The following MOCS2 variants were observed in gnomAD, a reference collection of about 807,000 sequenced individuals.
The protein encoded by MOCS2 is molybdenum cofactor synthesis 2, also known as molybdopterin synthase catalytic subunit.
A neutral mutation model predicts 21.9 loss-of-function variants in MOCS2; 13 were observed. That is an observed-to-expected ratio of 0.59 (90% CI 0.39 to 0.94). The LOEUF is 0.94. Ranked by LOEUF, MOCS2 falls within the 40% of genes least tolerant of loss-of-function variation. The pLI is 0.00. For synonymous variants in MOCS2, 92 were observed against 80.8 expected (o/e 1.14, Z -0.74); for missense variants, 227 against 218.3 (o/e 1.04, Z -0.25).
intron 3 of MOCS2, among the ~76,000 whole-genome samples, chr5:53,103,589 A>AC (rs1740975566): frequency 6.6e-6 from 1 of 152,318 alleles, no homozygotes; most frequent in South Asian, 2.1e-4. Context: ...AAACATTACT[A>AC]CATACTCACT....
chr5:53,098,768 TCA>T, intron 6 of MOCS2, 101 bp from the exon 7 acceptor site: 1 of 840,926 alleles, frequency 1.2e-6, no homozygotes, highest in Non-Finnish European at 2.0e-6. Flanking sequence ...CACATCTATT[TCA>T]ATGGCTCCTC....
chr5:53,100,812 T>C (rs1313447650), intron 5 of MOCS2: 2 of 430,720 alleles, frequency 4.6e-6, no homozygotes, highest in African/African-American at 2.0e-5. Flanking sequence ...AGAGCAAACA[T>C]CTGACTCAAC....
chr5:53,104,964 A>G (rs552791323), intron 3 of MOCS2, among the ~76,000 whole-genome samples: 1 of 152,258 alleles, frequency 6.6e-6, no homozygotes, highest in South Asian at 2.1e-4. Flanking sequence ...AAGAAGCCTG[A>G]TCTCTCCACA....
intron 3 of MOCS2, among the ~76,000 whole-genome samples, chr5:53,102,731 G>C (rs1277534142): frequency 6.6e-6 from 1 of 152,052 alleles, no homozygotes; most frequent in African/African-American, 2.4e-5. Context: ...TGGATCATTT[G>C]GGGTCAGGAG....
chr5:53,100,339 G>T, intron 6 of MOCS2, 72 bp downstream of exon 6: 5 of 1,531,732 alleles, frequency 3.3e-6, no homozygotes, highest in Non-Finnish European at 4.5e-6. Context: ...CCATAAATAT[G>T]GGGGGATTTA....
intron 5 of MOCS2, chr5:53,101,149 C>T (rs1193299135): frequency 1.6e-6 from 1 of 608,810 alleles, no homozygotes; most frequent in East Asian, 2.8e-5. Flanking sequence ...TTTGTTACAG[C>T]AACAGAGGCA....
chr5:53,096,790 G>GT lies in MOCS2; in HGVS notation c.*1811_*1812insA, dbSNP rs1368262003. 2 of 152,290 alleles carry GT rather than the reference G, an allele frequency of 1.3e-5. No homozygotes were observed. Among genetic ancestry groups the GT allele is most frequent in the Non-Finnish European group, 1.5e-5 (1 of 68,024 alleles). 9.4% of individuals were successfully genotyped at this position (152,290 alleles called of 1,614,324 possible). On this transcript the variant is annotated 3_prime_UTR_variant, in exon 7 of 7. Coordinates refer to ENST00000396954, the MANE Select transcript of MOCS2 (RefSeq NM_004531.5). ...AAACTTAGAATAAAGCCTACTTAAT[G>GT]AAGGCATGATTCTTTTAAAACATAA...
Position 53,109,533 on chromosome 5 carries a change from G to T in MOCS2, c.-452C>A. 1 of 1,381,736 alleles carries T rather than the reference G, an allele frequency of 7.2e-7. No homozygotes were observed. Among genetic ancestry groups the T allele is most frequent in the Non-Finnish European group, 9.4e-7 (1 of 1,066,756 alleles). 85.6% of individuals were successfully genotyped at this position (1,381,736 alleles called of 1,614,324 possible). ...GCTGGGGCAGTCGCAGTAAAGCCCG[G>T]AGACAGGAAGGGCCCGGGGGCGGGG... On this transcript the variant is annotated 5_prime_UTR_variant, in exon 1 of 7. Transcript: ENST00000396954.
chr5:53,106,932 G>A, intron 3 of MOCS2, 145 bp downstream of exon 3: 1 of 799,666 alleles, frequency 1.3e-6, no homozygotes, highest in South Asian at 1.8e-5. Context: ...TAAATCTGTT[G>A]GCACCAATGA....
At position 53,109,531 on chromosome 5, in the gene MOCS2, C is replaced by G. The variant is rs796560214; in HGVS notation, c.-450G>C. The G allele has an allele frequency of 6.1e-5, 84 of 1,376,698 alleles. No homozygotes were observed. The East Asian group carries it at 2.1e-3, about 34-fold the overall frequency. The allele number at this position is 1,376,698 out of a possible 1,614,324, so 85.3% of individuals were successfully genotyped here. A position where few individuals can be genotyped will look rare whatever the true frequency, so the allele number is the denominator to read the frequency against. The stretch of plus-strand genomic sequence containing the variant: ...CTGCTGGGGCAGTCGCAGTAAAGCC[C>G]GGAGACAGGAAGGGCCCGGGGGCGG... On this transcript the variant is annotated 5_prime_UTR_variant, in exon 1 of 7. Transcript: ENST00000396954.
intron 1 of MOCS2, 127 bp from the exon 2 acceptor site, chr5:53,108,770 T>C (rs1428233438): frequency 2.0e-6 from 2 of 998,442 alleles, no homozygotes; most frequent in Non-Finnish European, 2.8e-6. Context: ...GAAAATTAAA[T>C]AACCCGTAAA....
chr5:53,107,044 C>T, intron 3 of MOCS2, 33 bp downstream of exon 3: 2 of 1,612,568 alleles, frequency 1.2e-6, no homozygotes, highest in Non-Finnish European at 8.5e-7. Flanking sequence ...TCCTTCCCCA[C>T]ACGACTGATT....
intron 3 of MOCS2, among the ~76,000 whole-genome samples, chr5:53,102,504 A>G (rs1579933457): frequency 6.6e-6 from 1 of 152,282 alleles, no homozygotes; most frequent in East Asian, 1.9e-4. Context: ...ACAATGATAC[A>G]AAGTTTCACC....
At position 53,097,176 on chromosome 5, in the gene MOCS2, T is replaced by G. The variant is rs969510040; in HGVS notation, c.*1426A>C. On this transcript the variant is annotated 3_prime_UTR_variant, in exon 7 of 7. Coordinates refer to ENST00000396954, the MANE Select transcript of MOCS2 (RefSeq NM_004531.5). ...GGGTTTGTCTGCCCTTCCAGTATCC[T>G]TCTGGCCCAATCTCTCCAGACGGAC... is the stretch of plus-strand genomic sequence containing the variant. 1 of 152,276 alleles carries G rather than the reference T, an allele frequency of 6.6e-6. No homozygotes were observed. The highest frequency in any genetic ancestry group is 1.5e-5 in the Non-Finnish European group (1 of 68,120). 9.4% of individuals were successfully genotyped at this position (152,276 alleles called of 1,614,324 possible).
rs755058697 is a variant in MOCS2, at chr5:53,098,258, G to A, written c.*344C>T. On this transcript the variant is annotated 3_prime_UTR_variant, in exon 7 of 7. Coordinates refer to ENST00000396954, the MANE Select transcript of MOCS2 (RefSeq NM_004531.5). ...TGAGGTGGGGTTGGTGGGGGAGTAC[G>A]TTTCTGAGCTAGTTAAAGTCACTGA... is the stretch of plus-strand genomic sequence containing the variant. 2.2e-4 allele frequency: 58 copies of A among 264,076 alleles called. No individual in the cohort carries two copies. Among genetic ancestry groups the A allele is most frequent in the Middle Eastern group, 1.3e-3 (1 of 782 alleles). The allele number at this position is 264,076 out of a possible 1,614,324, so 16.4% of individuals were successfully genotyped here.
At chr5:53,102,737 A>G (rs1354833847) in intron 3 of MOCS2, among the ~76,000 whole-genome samples, 1 of 152,100 alleles carries the variant, frequency 6.6e-6, no homozygotes, top group Non-Finnish European at 1.5e-5. Context: ...ATTTGGGGTC[A>G]GGAGTTTGAG....
Position 53,097,354 on chromosome 5 carries a change from G to A in MOCS2, c.*1248C>T, listed in dbSNP as rs1331867129. On this transcript the variant is annotated 3_prime_UTR_variant, in exon 7 of 7. Transcript: ENST00000396954. ...CTGGGTGGGTGCCTGGCACAAAACA[G>A]GCATTCAATAAATATTTGTTGAATA... The A allele has an allele frequency of 6.6e-6, 1 of 152,120 alleles. No individual in the cohort carries two copies. The highest frequency in any genetic ancestry group is 1.5e-5 in the Non-Finnish European group (1 of 68,020). 9.4% of individuals were successfully genotyped at this position (152,120 alleles called of 1,614,324 possible). A position where few individuals can be genotyped will look rare whatever the true frequency, so the allele number is the denominator to read the frequency against.
chr5:53,108,430 G>T, intron 2 of MOCS2, 92 bp downstream of exon 2: 2 of 1,280,062 alleles, frequency 1.6e-6, no homozygotes, highest in South Asian at 2.7e-5. Context: ...CATTAAGCAC[G>T]GAAATCGAAA....
At chr5:53,100,779 C>A in intron 5 of MOCS2, 2 of 479,086 alleles carry the variant, frequency 4.2e-6, no homozygotes, top group South Asian at 4.3e-5. Flanking sequence ...CTGATGGGCA[C>A]CAAGGAAAAT....
Sources: gnomAD v4.1 joint callset for allele counts (sites outside exome capture counted in the v4.1 genomes callset) on GRCh38, gnomAD v4.1.1 for gene constraint, MANE v1.5 for transcripts, NCBI Gene and HGNC (gene_info 2026-07-23, HGNC 2026-07-21) for gene names.